The following SNX29 variants were observed in gnomAD, a reference collection of about 807,000 sequenced individuals.
SNX29 encodes the protein sorting nexin 29.
Under a neutral mutation model 102.1 loss-of-function variants are expected in SNX29, and 78 were observed. The observed-to-expected ratio is 0.76, with a 90% CI of 0.64 to 0.92. The LOEUF (loss-of-function observed/expected upper bound fraction) is 0.92. Ranked by LOEUF, SNX29 falls within the 40% of genes least tolerant of loss-of-function variation. The pLI is 0.00. For missense variants in SNX29, 1,280 were observed against 1,061.7 expected (o/e 1.21, Z -2.86); for synonymous variants, 580 against 414.5 (o/e 1.40, Z -4.85).
chr16:12,562,002 G>A (rs371156507), intron 20 of SNX29, among the ~76,000 whole-genome samples: 3 of 152,170 alleles, frequency 2.0e-5, no homozygotes, highest in Admixed American at 6.5e-5. Flanking sequence ...AATGGACCCT[G>A]CAACCCAGGA....
intron 14 of SNX29, among the ~76,000 whole-genome samples, chr16:12,268,098 C>G (rs985994714): frequency 1.3e-5 from 2 of 152,212 alleles, no homozygotes; most frequent in African/African-American, 4.8e-5. Flanking sequence ...TCAGACAGCT[C>G]CTCACTAGCG....
chr16:12,406,639 G>C (rs2084177353), intron 18 of SNX29, among the ~76,000 whole-genome samples: 1 of 152,202 alleles, frequency 6.6e-6, no homozygotes, highest in Non-Finnish European at 1.5e-5. Flanking sequence ...CAATTAAAAT[G>C]GCTCATGCCT....
chr16:12,256,247 G>C (rs1476694372), intron 14 of SNX29, among the ~76,000 whole-genome samples: 2 of 152,158 alleles, frequency 1.3e-5, no homozygotes, highest in African/African-American at 4.8e-5. Context: ...AGTTGTTTGA[G>C]TTCCTTGTAT....
intron 18 of SNX29, among the ~76,000 whole-genome samples, chr16:12,475,780 G>C (rs900378267): frequency 2.6e-5 from 4 of 152,200 alleles, no homozygotes; most frequent in Admixed American, 6.5e-5. Context: ...TATTGCTTTT[G>C]TACCATTATA....
At chr16:12,556,045 C>G (rs116450590) in intron 20 of SNX29, among the ~76,000 whole-genome samples, 2,329 of 152,104 alleles carry the variant, frequency 0.015, 55 homozygotes, top group African/African-American at 0.053. Context: ...TGCTGAGTGA[C>G]GCTTAAAGGG....
intron 14 of SNX29, among the ~76,000 whole-genome samples, chr16:12,215,897 C>A (rs1395734161): frequency 1.3e-5 from 2 of 152,142 alleles, no homozygotes; most frequent in Non-Finnish European, 2.9e-5. Flanking sequence ...GTGCTATTAG[C>A]AGAGTGCAGG....
chr16:12,044,500 G>A (rs1205405504), intron 5 of SNX29, among the ~76,000 whole-genome samples: 3 of 152,264 alleles, frequency 2.0e-5, no homozygotes, highest in East Asian at 1.9e-4. Context: ...TACTGCTCAC[G>A]GTCAGAGTTC....
intron 17 of SNX29, among the ~76,000 whole-genome samples, chr16:12,403,026 C>G (rs2084009650): frequency 6.6e-6 from 1 of 152,134 alleles, no homozygotes; most frequent in African/African-American, 2.4e-5. Flanking sequence ...CTGCTGGGTG[C>G]TCCAGAAACG....
chr16:12,036,645 TTTGTTTTTG>T (rs977759735), intron 4 of SNX29, among the ~76,000 whole-genome samples: 5 of 60,124 alleles, frequency 8.3e-5, no homozygotes, highest in Admixed American at 3.3e-4. Flanking sequence ...GTTTTCTGTT[TTTGTTTTTG>T]TTGTTGTTGT....
chr16:12,093,948 C>A (rs1189677218), intron 11 of SNX29: 1 of 152,144 alleles, frequency 6.6e-6, no homozygotes, highest in Non-Finnish European at 1.5e-5. Context: ...GTGGTAATTG[C>A]ACATAGTGTC....
At chr16:12,519,493 A>T (rs9936959) in intron 19 of SNX29, among the ~76,000 whole-genome samples, 25,738 of 152,212 alleles carry the variant, frequency 0.17, 2,373 homozygotes, top group African/African-American at 0.24. Context: ...TGATTATGCC[A>T]TTGTGGTCAA....
At chr16:12,371,846 T>C (rs779773606) in intron 16 of SNX29, among the ~76,000 whole-genome samples, 53 of 152,246 alleles carry the variant, frequency 3.5e-4, no homozygotes, top group Non-Finnish European at 5.3e-4. Context: ...CTTCGCCCTA[T>C]GTCTTTTCGT....
intron 14 of SNX29, among the ~76,000 whole-genome samples, chr16:12,248,770 T>G (rs2078336478): frequency 6.6e-6 from 1 of 151,900 alleles, no homozygotes; most frequent in South Asian, 2.1e-4. Context: ...GAATGGCACT[T>G]CTGGCACTGC....
At position 12,570,449 on chromosome 16, in the gene SNX29, T is replaced by C. The variant is rs1050372542; in HGVS notation, c.*1820T>C. The C allele has an allele frequency of 8.3e-6, 2 of 240,364 alleles. No homozygotes were observed. Among genetic ancestry groups the C allele is most frequent in the Admixed American group, 1.1e-4 (2 of 17,750 alleles). 14.9% of individuals were successfully genotyped at this position (240,364 alleles called of 1,614,324 possible). A position where few individuals can be genotyped will look rare whatever the true frequency, so the allele number is the denominator to read the frequency against. On this transcript the variant is annotated 3_prime_UTR_variant, in exon 21 of 21. Coordinates refer to ENST00000566228, the MANE Select transcript of SNX29 (RefSeq NM_032167.5). ...CTCTAAATAGAGAGCCCTAATGGAC[T>C]GAGGCAGGAAACGTCTAAAAGCTCA...
chr16:12,146,792 A>G (rs1319119580), intron 13 of SNX29, among the ~76,000 whole-genome samples: 1 of 152,240 alleles, frequency 6.6e-6, no homozygotes, highest in Non-Finnish European at 1.5e-5. Context: ...GAAATGCCAA[A>G]TGCTTTAATG....
intron 20 of SNX29, among the ~76,000 whole-genome samples, chr16:12,561,985 T>G (rs1042589732): frequency 3.9e-5 from 6 of 152,114 alleles, no homozygotes; most frequent in African/African-American, 1.4e-4. Flanking sequence ...TCTACCAGCT[T>G]GGTGACAATG....
At chr16:12,460,738 A>G (rs1597457633) in intron 18 of SNX29, among the ~76,000 whole-genome samples, 1 of 149,834 alleles carries the variant, frequency 6.7e-6, no homozygotes, top group Non-Finnish European at 1.5e-5. Flanking sequence ...GCTCAATGCA[A>G]CCTCCGCCTC....
rs529090912 is a variant in SNX29 at position 12,169,516 on chromosome 16, C to T, written c.1596-30085C>T. ...TTGGTGAAGTGGCTTTGTCTTCGGG[C>T]AAGGCAACATGGACGTACTGTGTGA... On this transcript the variant is annotated intron_variant, in intron 13 of 20. Coordinates refer to ENST00000566228, the MANE Select transcript of SNX29 (RefSeq NM_032167.5). Among the ~76,000 whole-genome samples the T allele has an allele frequency of 5.3e-5, 8 of 152,156 alleles. 1 individual carries two copies. Among genetic ancestry groups the T allele is most frequent in the Admixed American group, 4.6e-4 (7 of 15,298 alleles).
chr16:12,472,909 C>G (rs912182198), intron 18 of SNX29, among the ~76,000 whole-genome samples: 1 of 152,128 alleles, frequency 6.6e-6, no homozygotes, highest in Non-Finnish European at 1.5e-5. Flanking sequence ...AGATATTACC[C>G]TCCTATTTAA....
Sources: gnomAD v4.1 joint callset for allele counts (sites outside exome capture counted in the v4.1 genomes callset) on GRCh38, gnomAD v4.1.1 for gene constraint, MANE v1.5 for transcripts, NCBI Gene and HGNC (gene_info 2026-07-23, HGNC 2026-07-21) for gene names.